OPCML: variants seen among roughly 807,000 people sequenced by gnomAD.
OPCML encodes the protein opioid-binding protein/cell adhesion molecule.
Under a neutral mutation model 37.8 loss-of-function variants are expected in OPCML, and 13 were observed. The observed-to-expected ratio is 0.34, with a 90% CI of 0.22 to 0.55. OPCML has a LOEUF of 0.55. OPCML is among the 20% of genes least tolerant of loss of function. OPCML has a pLI of 0.91. For missense variants in OPCML, 341 were observed against 435.6 expected (o/e 0.78, Z 1.93); for synonymous variants, 176 against 168.8 (o/e 1.04, Z -0.33).
chr11:132,726,155 TCTA>T (rs1170751251), intron 2 of OPCML, among the ~76,000 whole-genome samples: 1 of 152,172 alleles, frequency 6.6e-6, no homozygotes, highest in African/African-American at 2.4e-5. Context: ...AGCGCCCCAC[TCTA>T]CTGTTTTTAT....
At chr11:133,264,768 TAAAAA>T (rs5795834) in intron 1 of OPCML, among the ~76,000 whole-genome samples, 2,442 of 149,764 alleles carry the variant, frequency 0.016, 27 homozygotes, top group Middle Eastern at 0.045. Flanking sequence ...CGGTTTTTAA[TAAAAA>T]AAAAAAGTAC....
At chr11:133,419,962 C>G (rs1945851662) in intron 1 of OPCML, among the ~76,000 whole-genome samples, 1 of 152,122 alleles carries the variant, frequency 6.6e-6, no homozygotes. Context: ...AAATATCAAC[C>G]AACACCCATG....
At chr11:132,995,832 G>C (rs146154735) in intron 1 of OPCML, among the ~76,000 whole-genome samples, 81 of 152,300 alleles carry the variant, frequency 5.3e-4, no homozygotes, top group African/African-American at 1.8e-3. Context: ...TCCAAGATGT[G>C]CTTGGTATAG....
chr11:132,544,788 C>G (rs1259023878), intron 3 of OPCML, among the ~76,000 whole-genome samples: 1 of 152,160 alleles, frequency 6.6e-6, no homozygotes. Context: ...CGTCATTTCC[C>G]ACTTGTATAA....
At chr11:133,465,557 C>T (rs1222493722) in intron 1 of OPCML, among the ~76,000 whole-genome samples, 1 of 152,160 alleles carries the variant, frequency 6.6e-6, no homozygotes, top group Non-Finnish European at 1.5e-5. Context: ...CAATACACCT[C>T]CTGCCTTTGT....
chr11:132,800,724 C>T (rs765297425), intron 2 of OPCML, among the ~76,000 whole-genome samples: 1 of 152,100 alleles, frequency 6.6e-6, no homozygotes, highest in African/African-American at 2.4e-5. Context: ...GATTTTAAGA[C>T]GTTTACCTTT....
intron 2 of OPCML, among the ~76,000 whole-genome samples, chr11:132,775,029 T>C (rs1248189451): frequency 6.6e-6 from 1 of 152,198 alleles, no homozygotes; most frequent in Non-Finnish European, 1.5e-5. Context: ...ATGAGAGCAG[T>C]TGCCTTTGTA....
chr11:132,441,351 G>A (rs2096034234), intron 4 of OPCML, among the ~76,000 whole-genome samples: 2 of 151,064 alleles, frequency 1.3e-5, no homozygotes, highest in South Asian at 2.1e-4. Flanking sequence ...TGTATTTTTA[G>A]TAGAGACGGG....
chr11:132,500,860 T>G (rs1052765705), intron 4 of OPCML, among the ~76,000 whole-genome samples: 1 of 152,212 alleles, frequency 6.6e-6, no homozygotes, highest in Non-Finnish European at 1.5e-5. Flanking sequence ...CAGCTTCATC[T>G]ATGTCCCTGC....
At chr11:132,519,737 G>A (rs2096288179) in intron 4 of OPCML, among the ~76,000 whole-genome samples, 1 of 152,104 alleles carries the variant, frequency 6.6e-6, no homozygotes, top group African/African-American at 2.4e-5. Context: ...CACTGAGCAA[G>A]ATATGTATAA....
rs377052822 is a variant in OPCML at position 132,548,112 on chromosome 11, G to A, written c.380-18926C>T. On this transcript the variant is annotated intron_variant, in intron 3 of 7. Transcript: ENST00000524381. The stretch of plus-strand genomic sequence containing the variant: ...TATAAATGGGCTGTGTGTGCCTGTG[G>A]AGACTCAGAATGGTTAAACCATCTT... Among the ~76,000 whole-genome samples, 38 of 152,232 alleles carry A rather than the reference G, an allele frequency of 2.5e-4. No homozygotes were observed. In the South Asian group the frequency reaches 7.7e-3, roughly 31 times the overall value.
chr11:132,655,379 G>A (rs575427552), intron 3 of OPCML, among the ~76,000 whole-genome samples: 3 of 152,210 alleles, frequency 2.0e-5, no homozygotes, highest in African/African-American at 7.2e-5. Context: ...CCTCAGAAAC[G>A]TTCAACAGAT....
chr11:133,356,699 C>T (rs1027719009), intron 1 of OPCML, among the ~76,000 whole-genome samples: 4 of 152,188 alleles, frequency 2.6e-5, no homozygotes, highest in Admixed American at 2.6e-4. Context: ...TAATTAAAGT[C>T]ATGGCTGGCA....
At chr11:132,655,040 C>T (rs117942018) in intron 3 of OPCML, among the ~76,000 whole-genome samples, 1 of 152,354 alleles carries the variant, frequency 6.6e-6, no homozygotes, top group Non-Finnish European at 1.5e-5. Flanking sequence ...CAAGGGATCG[C>T]TCAGCATGTG....
intron 1 of OPCML, among the ~76,000 whole-genome samples, chr11:133,189,307 G>A (rs950534126): frequency 1.3e-5 from 2 of 151,908 alleles, no homozygotes; most frequent in Admixed American, 1.3e-4. Context: ...GACCTTAAAG[G>A]CTATCTGTCC....
At chr11:133,475,633 G>GCT (rs374756541) in intron 1 of OPCML, among the ~76,000 whole-genome samples, 2 of 152,064 alleles carry the variant, frequency 1.3e-5, no homozygotes, top group Non-Finnish European at 2.9e-5. Flanking sequence ...AAACCTACCA[G>GCT]CTCTCTCTCT....
chr11:133,422,778 G>T lies in OPCML; in HGVS notation c.61+109486C>A, dbSNP rs934131925. On this transcript the variant is annotated intron_variant, in intron 1 of 7. Transcript: ENST00000524381. ...AATGTATTAATAATAAAGTATTTAT[G>T]ATTTTTATATTACAAAATAAAAGAA... 5.0e-5 allele frequency: 45 copies of T among 898,628 alleles called. No homozygotes were observed. The South Asian group carries it at 8.3e-4, about 17-fold the overall frequency. 55.7% of individuals were successfully genotyped at this position (898,628 alleles called of 1,614,324 possible).
chr11:133,143,969 A>G (rs1186337020), intron 1 of OPCML, among the ~76,000 whole-genome samples: 1 of 152,052 alleles, frequency 6.6e-6, no homozygotes, highest in Non-Finnish European at 1.5e-5. Context: ...GAGGGCTCAT[A>G]TGGCCCTTGA....
At chr11:133,215,694 C>T (rs1459605107) in intron 1 of OPCML, among the ~76,000 whole-genome samples, 2 of 152,012 alleles carry the variant, frequency 1.3e-5, no homozygotes, top group Non-Finnish European at 2.9e-5. Context: ...TTTGATGCCC[C>T]GAGGGAGCAG....
Sources: allele counts gnomAD v4.1 joint callset (sites outside exome capture counted in the v4.1 genomes callset), GRCh38; gene constraint gnomAD v4.1.1; transcripts MANE v1.5; gene names NCBI Gene and HGNC (gene_info 2026-07-23, HGNC 2026-07-21).